The following ADAMTS2 variants were observed in gnomAD, a reference collection of about 807,000 sequenced individuals.
ADAMTS2 encodes ADAM metallopeptidase with thrombospondin type 1 motif 2.
Under a neutral mutation model 123.0 loss-of-function variants are expected in ADAMTS2, and 50 were observed. The ratio of observed to expected loss-of-function variants is 0.41; its 90% CI spans 0.32 to 0.51. The LOEUF is 0.51. ADAMTS2 is among the 20% of genes least tolerant of loss of function. The pLI is 0.35. For missense variants in ADAMTS2, 1,494 were observed against 1,705.2 expected (o/e 0.88, Z 2.18); for synonymous variants, 678 against 695.4 (o/e 0.98, Z 0.39).
chr5:179,147,666 C>T (rs1311620305), intron 10 of ADAMTS2, among the ~76,000 whole-genome samples: 1 of 152,152 alleles, frequency 6.6e-6, no homozygotes, highest in Non-Finnish European at 1.5e-5. Context: ...GCTACTATTA[C>T]ACCTGGACAG....
At position 179,202,492 on chromosome 5, in the gene ADAMTS2, CTGTT is replaced by C. The variant is rs1245739990; in HGVS notation, c.891+5017_891+5020del. 6.6e-5 allele frequency among the ~76,000 whole-genome samples: 10 copies of C among 152,080 alleles called. No individual in the cohort carries two copies. The East Asian group carries it at 1.7e-3, about 26-fold the overall frequency. ...GCATTTGTCATTATTTGAAATGATC[CTGTT>C]TGTTTTTCACTTCAGTATCGTCTGT... On this transcript the variant is annotated intron_variant, in intron 4 of 21. Transcript: ENST00000251582. This position sits in a 1 kb window ranked among gnomAD's most constrained non-coding sequence, Gnocchi z 4.0.
At chr5:179,263,526 T>C (rs1766285135) in intron 3 of ADAMTS2, among the ~76,000 whole-genome samples, 1 of 152,246 alleles carries the variant, frequency 6.6e-6, no homozygotes, top group Non-Finnish European at 1.5e-5. Flanking sequence ...TGTCCTGTCC[T>C]GCAGGCTCTC....
chr5:179,287,064 C>T (rs1192108280), intron 2 of ADAMTS2, among the ~76,000 whole-genome samples: 1 of 152,204 alleles, frequency 6.6e-6, no homozygotes, highest in African/African-American at 2.4e-5. Flanking sequence ...CGTCACTCAG[C>T]CCATAACAGC....
At chr5:179,143,112 C>G (rs918712080) in intron 10 of ADAMTS2, among the ~76,000 whole-genome samples, 4 of 152,186 alleles carry the variant, frequency 2.6e-5, no homozygotes, top group African/African-American at 9.7e-5. Flanking sequence ...AATGGAGAAT[C>G]TCAGTAAAGA....
At chr5:179,311,205 T>C in intron 2 of ADAMTS2, among the ~76,000 whole-genome samples, 1 of 152,180 alleles carries the variant, frequency 6.6e-6, no homozygotes, top group East Asian at 1.9e-4. Context: ...CACGTCCCCA[T>C]CCCTCTCCCC....
At chr5:179,144,921 TG>T (rs2113231760) in intron 10 of ADAMTS2, among the ~76,000 whole-genome samples, 1 of 152,302 alleles carries the variant, frequency 6.6e-6, no homozygotes, top group Non-Finnish European at 1.5e-5. Context: ...ACCTCAATGA[TG>T]CCATCACGAA....
At chr5:179,324,443 T>G (rs114447995) in intron 2 of ADAMTS2, among the ~76,000 whole-genome samples, 1 of 148,136 alleles carries the variant, frequency 6.8e-6, no homozygotes, top group Non-Finnish European at 1.5e-5. Context: ...CCAACTGGAG[T>G]GCAGTGGTGC....
chr5:179,174,976 T>G, intron 5 of ADAMTS2, among the ~76,000 whole-genome samples: 1 of 150,576 alleles, frequency 6.6e-6, no homozygotes, highest in African/African-American at 2.4e-5. Context: ...TCTCAGCCAT[T>G]CTTGACCGTT....
rs190810104 is a variant in ADAMTS2, at chr5:179,226,352, C to T, written c.689-18637G>A. On this transcript the variant is annotated intron_variant, in intron 3 of 21. Coordinates refer to ENST00000251582, the MANE Select transcript of ADAMTS2 (RefSeq NM_014244.5). ...CGTGATCTCAGCTCACTGCAACCACCGCCTCCCGGATTCAAGCAGTTTTCC... is the reference window on the plus strand; with the variant it reads ...CGTGATCTCAGCTCACTGCAACCACTGCCTCCCGGATTCAAGCAGTTTTCC... 5.0e-4 allele frequency among the ~76,000 whole-genome samples: 75 copies of T among 151,428 alleles called. 1 individual carries two copies. Among genetic ancestry groups the T allele is most frequent in the South Asian group, 3.8e-3 (18 of 4,776 alleles).
intron 2 of ADAMTS2, among the ~76,000 whole-genome samples, chr5:179,319,699 C>T (rs1757102934): frequency 6.7e-6 from 1 of 149,334 alleles, no homozygotes; most frequent in Non-Finnish European, 1.5e-5. Flanking sequence ...CATCCACACT[C>T]AACCAGTAGA....
chr5:179,140,572 C>G (rs1303655121), intron 10 of ADAMTS2, among the ~76,000 whole-genome samples: 1 of 152,124 alleles, frequency 6.6e-6, no homozygotes, highest in Admixed American at 6.5e-5. Context: ...TGCTCTCATT[C>G]CTCTAGGGGG....
At chr5:179,146,396 G>T (rs1391612973) in intron 10 of ADAMTS2, among the ~76,000 whole-genome samples, 1 of 152,154 alleles carries the variant, frequency 6.6e-6, no homozygotes, top group Non-Finnish European at 1.5e-5. Flanking sequence ...CGTCCTTGAT[G>T]TGGTTTTCAG....
intron 3 of ADAMTS2, among the ~76,000 whole-genome samples, chr5:179,208,228 T>G (rs886318079): frequency 8.0e-5 from 9 of 112,326 alleles, no homozygotes; most frequent in African/African-American, 2.6e-4. Flanking sequence ...AGGACTGGTG[T>G]CCCAGGTGTC....
intron 3 of ADAMTS2, among the ~76,000 whole-genome samples, chr5:179,250,308 G>A (rs867735386): frequency 6.6e-6 from 1 of 152,094 alleles, no homozygotes; most frequent in South Asian, 2.1e-4. Flanking sequence ...TCTAGTCAGA[G>A]CAATTCAGCA....
Position 179,224,551 on chromosome 5 carries a change from C to T in ADAMTS2, c.689-16836G>A, listed in dbSNP as rs139783935. Among the ~76,000 whole-genome samples the T allele has an allele frequency of 8.6e-3, 1,314 of 152,340 alleles. 20 individuals are homozygous for T. The highest frequency in any genetic ancestry group is 0.03 in the African/African-American group (1,235 of 41,574). On this transcript the variant is annotated intron_variant, in intron 3 of 21. Transcript: ENST00000251582. ...TTGGCTTGTCTTTTGCTTATTCCCT[C>T]TTCACTGAGAAATATTTTGCTCCCG...
chr5:179,285,693 G>A lies in ADAMTS2; in HGVS notation c.535-12629C>T, dbSNP rs1186032851. The stretch of plus-strand genomic sequence containing the variant: ...AGGTCTCGTTCAGCATGAAGCCCAC[G>A]TCGGGGAACGTCCCCAGTCACAAAT... On this transcript the variant is annotated intron_variant, in intron 2 of 21. Transcript: ENST00000251582. The surrounding 1 kb of genome is among the most constrained non-coding windows in gnomAD (Gnocchi z 4.9). Among the ~76,000 whole-genome samples the A allele has an allele frequency of 3.3e-5, 5 of 152,340 alleles. No homozygotes were observed. Among genetic ancestry groups the A allele is most frequent in the Admixed American group, 2.0e-4 (3 of 15,310 alleles).
rs1484198095 is a variant in ADAMTS2 at position 179,330,646 on chromosome 5, C to T, written c.534+13121G>A. ...GCTGCGCACCCTCCAACCTCCACTC[C>T]ATTCACTCCCAGACGGAGCAAAGGC... On this transcript the variant is annotated intron_variant, in intron 2 of 21. Transcript: ENST00000251582. 1.3e-5 allele frequency among the ~76,000 whole-genome samples: 2 copies of T among 152,250 alleles called. 1 individual carries two copies. Among genetic ancestry groups the T allele is most frequent in the African/African-American group, 4.8e-5 (2 of 41,474 alleles).
chr5:179,203,775 C>A (rs1405359731), intron 4 of ADAMTS2, among the ~76,000 whole-genome samples: 1 of 152,220 alleles, frequency 6.6e-6, no homozygotes, highest in Admixed American at 6.5e-5. Flanking sequence ...GGCAAAATGG[C>A]ACAGCCACTG....
intron 6 of ADAMTS2, among the ~76,000 whole-genome samples, chr5:179,156,402 C>T (rs144244047): frequency 0.015 from 2,282 of 150,232 alleles, 55 homozygotes; most frequent in African/African-American, 0.053. Flanking sequence ...CTCTGCCGTC[C>T]AGGCTGGAGT....
Sources: gnomAD v4.1 joint callset for allele counts (sites outside exome capture counted in the v4.1 genomes callset) on GRCh38, gnomAD v4.1.1 for gene constraint, Gnocchi (gnomAD v3.1) non-coding constraint, MANE v1.5 for transcripts, NCBI Gene and HGNC (gene_info 2026-07-23, HGNC 2026-07-21) for gene names.